Variants in EVC2 observed in about 807,000 individuals in gnomAD.
EVC2 encodes the protein EvC ciliary complex subunit 2, also known as limbin.
A neutral mutation model predicts 149.3 loss-of-function variants in EVC2; 148 were observed. The ratio of observed to expected loss-of-function variants is 0.99; its 90% CI spans 0.87 to 1.14. The LOEUF is 1.14. Among genes scored for constraint, EVC2 ranks in the 50% most tolerant of loss-of-function variants. The pLI is 0.00. For missense variants in EVC2, 1,854 were observed against 1,627.3 expected (o/e 1.14, Z -2.40); for synonymous variants, 776 against 649.9 (o/e 1.19, Z -2.95).
chr4:5,581,896 A>G (rs954773128), intron 17 of EVC2, among the ~76,000 whole-genome samples: 1 of 152,208 alleles, frequency 6.6e-6, no homozygotes, highest in Admixed American at 6.5e-5. Flanking sequence ...TGCAGCTTGG[A>G]CCACTGCTCA....
intron 3 of EVC2, among the ~76,000 whole-genome samples, chr4:5,691,542 A>G (rs1721121175): frequency 1.3e-5 from 2 of 152,220 alleles, no homozygotes; most frequent in Non-Finnish European, 2.9e-5. Context: ...ATGAGCTTAC[A>G]CCACAGTGTA....
chr4:5,626,331 GTTTT>G (rs34539817), intron 12 of EVC2, among the ~76,000 whole-genome samples: 3 of 124,656 alleles, frequency 2.4e-5, no homozygotes, highest in Admixed American at 8.8e-5. Flanking sequence ...CGTTCTTCTT[GTTTT>G]TTTTTTTTTT....
At chr4:5,610,555 G>A (rs969005975) in intron 16 of EVC2, among the ~76,000 whole-genome samples, 1 of 152,134 alleles carries the variant, frequency 6.6e-6, no homozygotes, top group East Asian at 1.9e-4. Flanking sequence ...TGGGCTGGGA[G>A]GTAGGACAAA....
At chr4:5,702,681 T>C (rs75070675) in intron 1 of EVC2, among the ~76,000 whole-genome samples, 1,830 of 152,290 alleles carry the variant, frequency 0.012, 43 homozygotes, top group African/African-American at 0.041. Context: ...TGGGAAATGG[T>C]TGTAATTGCC....
chr4:5,639,854 G>A (rs1464380998), intron 10 of EVC2, among the ~76,000 whole-genome samples: 1 of 137,692 alleles, frequency 7.3e-6, no homozygotes, highest in East Asian at 2.1e-4. Flanking sequence ...ACTGAATAAT[G>A]TCTCATTTTT....
At chr4:5,615,567 G>C (rs368553111) in intron 15 of EVC2, 23 bp from the exon 16 acceptor site, 2 of 1,614,118 alleles carry the variant, frequency 1.2e-6, no homozygotes, top group Non-Finnish European at 1.7e-6. Context: ...TGGGGAAGAC[G>C]TGGGTAAGAA....
intron 21 of EVC2, among the ~76,000 whole-genome samples, chr4:5,550,191 G>A (rs1721709454): frequency 6.6e-6 from 1 of 152,192 alleles, no homozygotes; most frequent in South Asian, 2.1e-4. Context: ...AAGCAACTTT[G>A]GAACTGGGTA....
At chr4:5,690,288 G>C (rs1439017823) in intron 4 of EVC2, among the ~76,000 whole-genome samples, 4 of 152,210 alleles carry the variant, frequency 2.6e-5, no homozygotes, top group Non-Finnish European at 5.9e-5. Context: ...TAACTCAGCA[G>C]GCCTGGGCTG....
At chr4:5,562,405 ACAT>A (rs1357666130), downstream of EVC2, 29 of 972,700 alleles carry the variant, frequency 3.0e-5, no homozygotes, top group Non-Finnish European at 1.0e-5. This position sits in a 1 kb window ranked among gnomAD's most constrained non-coding sequence, Gnocchi z 4.3. Flanking sequence ...AATGCTTCCT[ACAT>A]AAAGCAAACA....
Position 5,605,540 on chromosome 4 carries a change from C to T in EVC2, c.2829+9882G>A, listed in dbSNP as rs563231116. On this transcript the variant is annotated intron_variant, in intron 16 of 21. Transcript: ENST00000344408. ...GATAGATAGATGTGGACAGACAGATCTATTTCCAATCATTGGTAAGTAAAA... is the reference window on the plus strand; with the variant it reads ...GATAGATAGATGTGGACAGACAGATTTATTTCCAATCATTGGTAAGTAAAA... Among the ~76,000 whole-genome samples, 26 of 152,300 alleles carry T rather than the reference C, an allele frequency of 1.7e-4. 1 individual carries two copies. In the East Asian group the frequency reaches 4.8e-3, roughly 28 times the overall value.
chr4:5,531,190 G>A, the EVC2 span, among the ~76,000 whole-genome samples: 3 of 152,228 alleles, frequency 2.0e-5, no homozygotes, highest in Non-Finnish European at 2.9e-5. Flanking sequence ...AGTGACAAGC[G>A]AACTGAGTCC....
chr4:5,594,283 G>A (rs1165904844), intron 16 of EVC2, among the ~76,000 whole-genome samples: 2 of 152,216 alleles, frequency 1.3e-5, no homozygotes, highest in Non-Finnish European at 2.9e-5. Flanking sequence ...GTGGGTGCCT[G>A]ACCCCTGACC....
intron 16 of EVC2, among the ~76,000 whole-genome samples, chr4:5,611,455 C>T (rs955478359): frequency 1.3e-5 from 2 of 152,000 alleles, no homozygotes; most frequent in Admixed American, 6.6e-5. Context: ...ATACAAAGAG[C>T]CCTCTTTTAT....
chr4:5,529,447 A>G, the EVC2 span, among the ~76,000 whole-genome samples: 2 of 152,232 alleles, frequency 1.3e-5, no homozygotes, highest in African/African-American at 4.8e-5. This position sits in a 1 kb window ranked among gnomAD's most constrained non-coding sequence, Gnocchi z 4.5. Flanking sequence ...CCTTATTTCT[A>G]CAACCCACAG....
rs200475481 is a variant in EVC2, at chr4:5,618,688, A to C, written c.2502-6T>G. 1 of 1,582,942 alleles carries C rather than the reference A, an allele frequency of 6.3e-7. No individual in the cohort carries two copies. Among genetic ancestry groups the C allele is most frequent in the African/African-American group, 1.3e-5 (1 of 74,178 alleles). ...AGACTGAGGAGCAGAGCTTCCTGGG[A>C]GGAAGAACAGAGACACACTCTTAAC... On this transcript the variant is annotated splice_region_variant and splice_polypyrimidine_tract_variant and intron_variant, in intron 14 of 21. Coordinates refer to ENST00000344408, the MANE Select transcript of EVC2 (RefSeq NM_147127.5). The surrounding 1 kb of genome is among the most constrained non-coding windows in gnomAD (Gnocchi z 4.4).
chr4:5,625,761 C>T lies in EVC2; in HGVS notation c.2034G>A (p.Glu678=). 1 of 1,614,136 alleles carries T rather than the reference C, an allele frequency of 6.2e-7. No individual in the cohort carries two copies. The highest frequency in any genetic ancestry group is 8.5e-7 in the Non-Finnish European group (1 of 1,180,034). The change falls in exon 13 of 22, where the codon GAG becomes GAA. Residue 678 remains glutamate, a synonymous_variant. Coordinates refer to ENST00000344408, the MANE Select transcript of EVC2 (RefSeq NM_147127.5). The surrounding 1 kb of genome is among the most constrained non-coding windows in gnomAD (Gnocchi z 4.0). ...ATGCCTTATATACCTTTTGTAGCAACTCTCGTCTTCTCTTAGTTATTAATT... is the reference window on the plus strand; with the variant it reads ...ATGCCTTATATACCTTTTGTAGCAATTCTCGTCTTCTCTTAGTTATTAATT... ...HQKLITKRRR[E]LLQKHREQRR...
At chr4:5,665,681 T>A in intron 7 of EVC2, 32 bp from the exon 8 acceptor site, 1 of 1,612,164 alleles carries the variant, frequency 6.2e-7, no homozygotes, top group African/African-American at 1.3e-5. Flanking sequence ...AGGATTCATG[T>A]GTGGTCAGAC....
chr4:5,601,232 C>T (rs550598038), intron 16 of EVC2, among the ~76,000 whole-genome samples: 1 of 152,094 alleles, frequency 6.6e-6, no homozygotes, highest in East Asian at 1.9e-4. Context: ...AAGATGACCA[C>T]ATACCTGGGA....
rs2108853186 is a variant in EVC2 at position 5,633,067 on chromosome 4, C to T, written c.1471-1035G>A. 6.6e-6 allele frequency among the ~76,000 whole-genome samples: 1 copy of T among 152,284 alleles called. No individual in the cohort carries two copies. Among genetic ancestry groups the T allele is most frequent in the South Asian group, 2.1e-4 (1 of 4,816 alleles). ...AAAAGGAAGACTCTCCTGGGTGGGC[C>T]TGACTCCTTAAAAGAAGCATTGGAG... On this transcript the variant is annotated intron_variant, in intron 10 of 21. Transcript: ENST00000344408. The surrounding 1 kb of genome is among the most constrained non-coding windows in gnomAD (Gnocchi z 4.4).
Sources: allele counts gnomAD v4.1 joint callset (sites outside exome capture counted in the v4.1 genomes callset), GRCh38; gene constraint gnomAD v4.1.1; non-coding constraint Gnocchi (gnomAD v3.1); transcripts MANE v1.5; gene names NCBI Gene and HGNC (gene_info 2026-07-23, HGNC 2026-07-21).